The following HPCAL1 variants were observed in gnomAD, a reference collection of about 807,000 sequenced individuals.
HPCAL1 encodes the protein hippocalcin like 1, also known as hippocalcin-like protein 1.
A neutral mutation model predicts 17.1 loss-of-function variants in HPCAL1; 8 were observed. The observed-to-expected ratio is 0.47, with a 90% CI of 0.27 to 0.84. HPCAL1 has a LOEUF of 0.84. HPCAL1 is among the 40% of genes least tolerant of loss of function. The pLI is 0.13. For synonymous variants in HPCAL1, 112 were observed against 111.4 expected (o/e 1.01, Z -0.03); for missense variants, 165 against 271.1 (o/e 0.61, Z 2.75).
chr2:10,326,946 G>A (rs953047522), intron 1 of HPCAL1, among the ~76,000 whole-genome samples: 11 of 152,158 alleles, frequency 7.2e-5, no homozygotes, highest in African/African-American at 9.7e-5. Flanking sequence ...TCTTTGTCTC[G>A]GTTGTCCCTT....
chr2:10,364,643 G>A (rs1479522032), intron 1 of HPCAL1, among the ~76,000 whole-genome samples: 1 of 151,432 alleles, frequency 6.6e-6, no homozygotes, highest in Non-Finnish European at 1.5e-5. Flanking sequence ...GGAGTGCGGT[G>A]GTGCGATCAT....
At chr2:10,400,732 G>A (rs939422808) in intron 2 of HPCAL1, among the ~76,000 whole-genome samples, 4 of 152,076 alleles carry the variant, frequency 2.6e-5, no homozygotes, top group African/African-American at 9.7e-5. Flanking sequence ...ATTGTGGGCA[G>A]ACACGTGCCT....
rs368437713 is a variant in HPCAL1 at position 10,426,296 on chromosome 2, G to A, written c.485-428G>A. 5 of 181,660 alleles carry A rather than the reference G, an allele frequency of 2.8e-5. No homozygotes were observed. The South Asian group carries it at 3.5e-4, about 13-fold the overall frequency. The allele number at this position is 181,660 out of a possible 1,614,324, so 11.3% of individuals were successfully genotyped here. On this transcript the variant is annotated intron_variant, in intron 4 of 4. Transcript: ENST00000307845. ...CCCCAAGCCTGAGCAGCGGGTCTAC[G>A]CTGATGCCAGGGAGGATCCGGACCG... is the stretch of plus-strand genomic sequence containing the variant.
chr2:10,335,313 GC>G (rs1664649222), intron 1 of HPCAL1, among the ~76,000 whole-genome samples: 1 of 152,214 alleles, frequency 6.6e-6, no homozygotes. Flanking sequence ...CCTGGAGGGA[GC>G]CAGATGCCAT....
At chr2:10,355,306 CCGGG>C (rs1666078357) in intron 1 of HPCAL1, among the ~76,000 whole-genome samples, 1 of 150,998 alleles carries the variant, frequency 6.6e-6, no homozygotes, top group South Asian at 2.1e-4. Context: ...AAAAAATTAG[CCGGG>C]CGTAGTGGCG....
chr2:10,376,839 C>G (rs566523362), intron 1 of HPCAL1, among the ~76,000 whole-genome samples: 5 of 144,602 alleles, frequency 3.5e-5, no homozygotes, highest in South Asian at 2.2e-4. Context: ...ACAATACATA[C>G]CGTATTGTAT....
In HPCAL1 at chr2:10,359,683, T is replaced by C. The variant is rs552583702; in HGVS notation, c.-110-37152T>C. ...AGTGGCTGGCGGTCCCACCTCCAAATGCAGGCAGACCACACTCCCTGAAGG... is the reference window on the plus strand; with the variant it reads ...AGTGGCTGGCGGTCCCACCTCCAAACGCAGGCAGACCACACTCCCTGAAGG... On this transcript the variant is annotated intron_variant, in intron 1 of 4. Coordinates refer to ENST00000307845, the MANE Select transcript of HPCAL1 (RefSeq NM_002149.4). This position sits in a 1 kb window ranked among gnomAD's most constrained non-coding sequence, Gnocchi z 4.1. Among the ~76,000 whole-genome samples the C allele has an allele frequency of 3.3e-5, 5 of 152,164 alleles. No individual in the cohort carries two copies. The highest frequency in any genetic ancestry group is 7.3e-5 in the Non-Finnish European group (5 of 68,034).
rs371867522 is a variant in HPCAL1 at position 10,331,550 on chromosome 2, C to G, written c.-111+28373C>G. 6.6e-6 allele frequency among the ~76,000 whole-genome samples: 1 copy of G among 152,190 alleles called. No individual in the cohort carries two copies. Among genetic ancestry groups the G allele is most frequent in the Non-Finnish European group, 1.5e-5 (1 of 68,032 alleles). ...GAACACCCTCCCAGGAGCTTTTCCACGGCCAAGCGCTGGCTGGTGGTGGAG... is the reference window on the plus strand; with the variant it reads ...GAACACCCTCCCAGGAGCTTTTCCAGGGCCAAGCGCTGGCTGGTGGTGGAG... On this transcript the variant is annotated intron_variant, in intron 1 of 4. Coordinates refer to ENST00000307845, the MANE Select transcript of HPCAL1 (RefSeq NM_002149.4). The surrounding 1 kb of genome is among the most constrained non-coding windows in gnomAD (Gnocchi z 5.0).
chr2:10,355,311 C>T (rs374650833), intron 1 of HPCAL1, among the ~76,000 whole-genome samples: 39 of 150,850 alleles, frequency 2.6e-4, no homozygotes, highest in African/African-American at 9.2e-4. Flanking sequence ...ATTAGCCGGG[C>T]GTAGTGGCGG....
Position 10,372,427 on chromosome 2 carries a change from T to TC in HPCAL1, c.-110-24400dup, listed in dbSNP as rs59236632. Among the ~76,000 whole-genome samples, 108 of 150,832 alleles carry TC rather than the reference T, an allele frequency of 7.2e-4. 1 individual carries two copies. The highest frequency in any genetic ancestry group is 3.1e-4 in the Non-Finnish European group (21 of 67,778). ...GGACACATTGATGGGTAAGGCATAATCCCCCCCCAGGAGCTCCCAGTTGGA... is the reference window on the plus strand; with the variant it reads ...GGACACATTGATGGGTAAGGCATAATCCCCCCCCCAGGAGCTCCCAGTTGGA... On this transcript the variant is annotated intron_variant, in intron 1 of 4. Transcript: ENST00000307845.
At chr2:10,383,234 T>G (rs1399598663) in intron 1 of HPCAL1, among the ~76,000 whole-genome samples, 1 of 152,116 alleles carries the variant, frequency 6.6e-6, no homozygotes, top group Non-Finnish European at 1.5e-5. Flanking sequence ...TAGCCTGGCG[T>G]GGTGTCATGT....
intron 1 of HPCAL1, among the ~76,000 whole-genome samples, chr2:10,341,607 GC>G (rs1366643723): frequency 6.6e-6 from 1 of 152,088 alleles, no homozygotes; most frequent in Non-Finnish European, 1.5e-5. Context: ...ACACAAGAAA[GC>G]TGCTGAAGGA....
intron 2 of HPCAL1, among the ~76,000 whole-genome samples, chr2:10,416,993 G>A (rs139762249): frequency 1.2e-4 from 19 of 152,256 alleles, no homozygotes; most frequent in Non-Finnish European, 2.2e-4. Context: ...AGTTGGAGAG[G>A]CTGGCCTCCT....
chr2:10,306,954 T>TG (rs1291785532), intron 1 of HPCAL1, among the ~76,000 whole-genome samples: 1 of 152,206 alleles, frequency 6.6e-6, no homozygotes, highest in Non-Finnish European at 1.5e-5. Context: ...GATGACTTCT[T>TG]GGGGCTGTGT....
chr2:10,332,596 A>G (rs1009110580), intron 1 of HPCAL1, among the ~76,000 whole-genome samples: 1 of 152,180 alleles, frequency 6.6e-6, no homozygotes, highest in African/African-American at 2.4e-5. Context: ...GACGCTTGTT[A>G]AAACAGTGAG....
chr2:10,420,208 G>GA, intron 3 of HPCAL1, 73 bp downstream of exon 3: 4 of 734,134 alleles, frequency 5.4e-6, no homozygotes, highest in Non-Finnish European at 7.4e-6. Flanking sequence ...CCAGCCCAGG[G>GA]CTTTTTTTTT....
chr2:10,310,878 C>T lies in HPCAL1; in HGVS notation c.-111+7701C>T, dbSNP rs190386373. Among the ~76,000 whole-genome samples the T allele has an allele frequency of 2.6e-5, 4 of 152,290 alleles. No homozygotes were observed. The highest frequency in any genetic ancestry group is 3.9e-4 in the East Asian group (2 of 5,188). The stretch of plus-strand genomic sequence containing the variant: ...GCCTTCTTTCTGTGCATTTAACAGA[C>T]GTTTCCAGAAAGCAGAATTGATGAC... On this transcript the variant is annotated intron_variant, in intron 1 of 4. Transcript: ENST00000307845. This position sits in a 1 kb window ranked among gnomAD's most constrained non-coding sequence, Gnocchi z 4.5.
intron 1 of HPCAL1, among the ~76,000 whole-genome samples, chr2:10,372,521 G>A (rs1055932969): frequency 1.3e-5 from 2 of 151,974 alleles, no homozygotes; most frequent in Non-Finnish European, 2.9e-5. Context: ...TCGGGGAGGC[G>A]GACAGGCGAG....
chr2:10,329,772 G>A (rs764193548), intron 1 of HPCAL1, among the ~76,000 whole-genome samples: 3 of 152,176 alleles, frequency 2.0e-5, no homozygotes, highest in Admixed American at 1.3e-4. Context: ...GCTCCAGGTG[G>A]GCCTGGGTTG....
Sources: gnomAD v4.1 joint callset for allele counts (sites outside exome capture counted in the v4.1 genomes callset) on GRCh38, gnomAD v4.1.1 for gene constraint, Gnocchi (gnomAD v3.1) non-coding constraint, MANE v1.5 for transcripts, NCBI Gene and HGNC (gene_info 2026-07-23, HGNC 2026-07-21) for gene names.